Variants in TBCK observed in about 807,000 individuals in gnomAD.
TBCK encodes TBC domain-containing protein kinase-like protein.
A neutral mutation model predicts 113.4 loss-of-function variants in TBCK; 99 were observed. The ratio of observed to expected loss-of-function variants is 0.87; its 90% CI spans 0.74 to 1.03. The LOEUF (loss-of-function observed/expected upper bound fraction) is 1.03. Ranked by LOEUF, TBCK falls within the 50% of genes least tolerant of loss-of-function variation. The pLI, the probability that TBCK is intolerant of heterozygous loss-of-function variation, is 0.00. For synonymous variants in TBCK, 369 were observed against 370.8 expected, an observed-to-expected ratio of 1.00 and a Z score of 0.05; for missense variants, 1,045 against 1,061.3, an observed-to-expected ratio of 0.98 and a Z score of 0.21.
intron 1 of TBCK, among the ~76,000 whole-genome samples, chr4:106,314,198 T>C (rs1402257130): frequency 6.6e-6 from 1 of 152,190 alleles, no homozygotes; most frequent in African/African-American, 2.4e-5. Flanking sequence ...TGGGCATAAA[T>C]GTAGTTTCTG....
At chr4:106,288,407 A>C (rs1765341030) in intron 3 of TBCK, among the ~76,000 whole-genome samples, 1 of 152,126 alleles carries the variant, frequency 6.6e-6, no homozygotes, top group Admixed American at 6.5e-5. Flanking sequence ...AAAAAAAATT[A>C]AATTAAGGTA....
At chr4:106,052,653 G>A (rs1734936836) in intron 25 of TBCK, among the ~76,000 whole-genome samples, 1 of 151,658 alleles carries the variant, frequency 6.6e-6, no homozygotes, top group Non-Finnish European at 1.5e-5. Flanking sequence ...TATCTAGAGT[G>A]TGCTAACTCA....
intron 3 of TBCK, among the ~76,000 whole-genome samples, chr4:106,290,406 G>C (rs1253724085): frequency 1.3e-5 from 2 of 152,034 alleles, no homozygotes; most frequent in Non-Finnish European, 2.9e-5. Flanking sequence ...TCGATCTCCT[G>C]ACCTCGTGAT....
intron 23 of TBCK, among the ~76,000 whole-genome samples, chr4:106,155,616 G>C (rs990386708): frequency 2.6e-5 from 4 of 151,694 alleles, no homozygotes; most frequent in Non-Finnish European, 5.9e-5. Context: ...ATTTTCAAAC[G>C]GCCTGTCTTC....
chr4:106,313,729 G>C (rs562165247), intron 1 of TBCK, among the ~76,000 whole-genome samples: 3 of 152,316 alleles, frequency 2.0e-5, no homozygotes, highest in African/African-American at 7.2e-5. Flanking sequence ...TCTTCAAACA[G>C]AGGAATGGAA....
chr4:106,094,256 G>T (rs1433978913), intron 25 of TBCK, among the ~76,000 whole-genome samples: 2 of 152,116 alleles, frequency 1.3e-5, no homozygotes, highest in African/African-American at 4.8e-5. Context: ...GTTTGTATCA[G>T]TATGGGGTAT....
chr4:106,267,710 G>A (rs1397296703), intron 3 of TBCK, among the ~76,000 whole-genome samples: 1 of 151,954 alleles, frequency 6.6e-6, no homozygotes, highest in Non-Finnish European at 1.5e-5. Flanking sequence ...CAACTTGGTT[G>A]TATTTGGATT....
chr4:106,214,952 G>A (rs1385786706), intron 19 of TBCK, among the ~76,000 whole-genome samples: 3 of 151,570 alleles, frequency 2.0e-5, no homozygotes, highest in Admixed American at 2.0e-4. Flanking sequence ...AAAATGTTAA[G>A]GGCAGCCAGA....
chr4:106,143,914 A>T (rs948442615), intron 23 of TBCK, among the ~76,000 whole-genome samples: 1 of 106,812 alleles, frequency 9.4e-6, no homozygotes, highest in Non-Finnish European at 2.3e-5. Context: ...AACTCTGTCT[A>T]AAAAAAAAAA....
intron 23 of TBCK, among the ~76,000 whole-genome samples, chr4:106,129,701 C>A (rs1204639865): frequency 6.6e-6 from 1 of 152,118 alleles, no homozygotes; most frequent in African/African-American, 2.4e-5. Context: ...TTAATAATCA[C>A]AGAAATATAA....
chr4:106,050,117 G>T (rs1734646706), intron 25 of TBCK, among the ~76,000 whole-genome samples: 1 of 151,974 alleles, frequency 6.6e-6, no homozygotes, highest in Non-Finnish European at 1.5e-5. Flanking sequence ...ATGTGAAACA[G>T]ATTATTGCAG....
At chr4:106,099,983 C>G (rs1741359657) in intron 24 of TBCK, among the ~76,000 whole-genome samples, 1 of 152,128 alleles carries the variant, frequency 6.6e-6, no homozygotes, top group Non-Finnish European at 1.5e-5. Context: ...TAATTCCAAC[C>G]AAACTAAATC....
intron 23 of TBCK, among the ~76,000 whole-genome samples, chr4:106,164,991 T>A (rs1230161279): frequency 2.1e-5 from 3 of 145,516 alleles, no homozygotes; most frequent in Non-Finnish European, 3.1e-5. Context: ...AATAAAAAAA[T>A]TAATTTAATA....
At chr4:106,247,485 T>A in intron 9 of TBCK, 198 bp from the exon 10 acceptor site, 1 of 501,030 alleles carries the variant, frequency 2.0e-6, no homozygotes, top group Non-Finnish European at 3.4e-6. Context: ...GAATTTTTTT[T>A]ACTTATGTTG....
chr4:106,259,573 T>C (rs1762307930), intron 5 of TBCK, among the ~76,000 whole-genome samples: 1 of 151,938 alleles, frequency 6.6e-6, no homozygotes, highest in Admixed American at 6.6e-5. Context: ...TAAAGTGCTA[T>C]TATGTAATTA....
intron 3 of TBCK, among the ~76,000 whole-genome samples, chr4:106,286,835 G>A (rs189886480): frequency 3.5e-5 from 5 of 142,268 alleles, no homozygotes; most frequent in Admixed American, 7.7e-5. Context: ...AGCAGTGATC[G>A]CACTACTGCA....
intron 2 of TBCK, among the ~76,000 whole-genome samples, chr4:106,303,298 T>C (rs1361295921): frequency 6.6e-6 from 1 of 152,134 alleles, no homozygotes; most frequent in Non-Finnish European, 1.5e-5. Context: ...AATCTCTCCA[T>C]ACCCCTTGAT....
intron 3 of TBCK, among the ~76,000 whole-genome samples, chr4:106,279,356 T>A (rs1483664841): frequency 6.6e-6 from 1 of 152,200 alleles, no homozygotes; most frequent in Non-Finnish European, 1.5e-5. Flanking sequence ...ATTTATGTGG[T>A]ACATGATATA....
chr4:106,242,607 T>G, intron 11 of TBCK, 38 bp from the exon 12 acceptor site: 28 of 1,380,740 alleles, frequency 2.0e-5, no homozygotes, highest in Non-Finnish European at 2.6e-5. Context: ...GTACACAAAA[T>G]CCAGTTTATT....
Sources: gnomAD v4.1 joint callset for allele counts (sites outside exome capture counted in the v4.1 genomes callset) on GRCh38, gnomAD v4.1.1 for gene constraint, MANE v1.5 for transcripts, NCBI Gene and HGNC (gene_info 2026-07-23, HGNC 2026-07-21) for gene names.